NBAS: variants seen among roughly 807,000 people sequenced by gnomAD.
NBAS encodes NAG/BC035112 fusion.
A neutral mutation model predicts 302.5 loss-of-function variants in NBAS; 219 were observed. The observed-to-expected ratio is 0.72, with a 90% CI of 0.65 to 0.81. NBAS has a LOEUF of 0.81. Ranked by LOEUF, NBAS falls within the 30% of genes least tolerant of loss-of-function variation. NBAS has a pLI of 0.00. For missense variants in NBAS, 2,932 were observed against 2,841.6 expected (o/e 1.03, Z -0.72); for synonymous variants, 1,118 against 1,021.6 (o/e 1.09, Z -1.80).
chr2:15,245,765 CTTTAG>C (rs1010657892), intron 44 of NBAS, among the ~76,000 whole-genome samples: 9 of 152,150 alleles, frequency 5.9e-5, no homozygotes, highest in African/African-American at 2.2e-4. Flanking sequence ...TACTAGAGCA[CTTTAG>C]TTTAGACATG....
At chr2:15,292,465 T>G in intron 41 of NBAS, 72 bp downstream of exon 41, 1 of 1,466,716 alleles carries the variant, frequency 6.8e-7, no homozygotes, top group South Asian at 1.2e-5. Context: ...CTGAAATTAA[T>G]AGTCCTGGTA....
At chr2:15,383,384 G>T in intron 28 of NBAS, 67 bp from the exon 29 acceptor site, 1 of 1,498,208 alleles carries the variant, frequency 6.7e-7, no homozygotes, top group South Asian at 1.1e-5. Context: ...TTCTTCAAAT[G>T]ATCTAAAGTT....
chr2:15,372,261 T>A (rs1202578618), intron 31 of NBAS, among the ~76,000 whole-genome samples: 2 of 152,112 alleles, frequency 1.3e-5, no homozygotes, highest in Non-Finnish European at 1.5e-5. Flanking sequence ...GAAAAGCATA[T>A]ACATATACAC....
the NBAS span, among the ~76,000 whole-genome samples, chr2:14,872,114 T>A: frequency 3.9e-5 from 6 of 152,178 alleles, no homozygotes; most frequent in Non-Finnish European, 8.8e-5. Context: ...AGTGACTATA[T>A]TAACATCAGA....
the NBAS span, among the ~76,000 whole-genome samples, chr2:15,086,967 A>G: frequency 6.6e-6 from 1 of 152,096 alleles, no homozygotes; most frequent in East Asian, 1.9e-4. Flanking sequence ...CAAAAGGCTG[A>G]TACTCCCCAA....
chr2:14,787,514 C>G, the NBAS span, among the ~76,000 whole-genome samples: 4 of 152,246 alleles, frequency 2.6e-5, no homozygotes, highest in East Asian at 7.7e-4. Flanking sequence ...TAGGGCAGGC[C>G]TGATGGTGAC....
intron 35 of NBAS, among the ~76,000 whole-genome samples, chr2:15,347,961 G>A (rs1451011144): frequency 1.3e-5 from 2 of 152,062 alleles, no homozygotes; most frequent in African/African-American, 4.8e-5. Context: ...ATTTTGCTTG[G>A]ATATATAAAT....
chr2:14,942,749 TAC>T, the NBAS span, among the ~76,000 whole-genome samples: 1 of 152,324 alleles, frequency 6.6e-6, no homozygotes, highest in South Asian at 2.1e-4. Context: ...AGGAAGATAT[TAC>T]ACAGTCTAGT....
At chr2:15,389,275 T>C (rs1400098695) in intron 28 of NBAS, among the ~76,000 whole-genome samples, 1 of 152,230 alleles carries the variant, frequency 6.6e-6, no homozygotes, top group Non-Finnish European at 1.5e-5. Context: ...ATTGGCTCCC[T>C]TTTCTTTCCT....
chr2:15,455,188 C>G (rs1475461016), intron 21 of NBAS, among the ~76,000 whole-genome samples: 1 of 152,166 alleles, frequency 6.6e-6, no homozygotes, highest in Non-Finnish European at 1.5e-5. Context: ...CAGGCGTGAG[C>G]CACCGCACCC....
chr2:14,810,856 T>C, the NBAS span, among the ~76,000 whole-genome samples: 1 of 152,136 alleles, frequency 6.6e-6, no homozygotes, highest in Non-Finnish European at 1.5e-5. Context: ...TTAGAGTAAA[T>C]GTGATTCTGA....
chr2:15,302,806 C>T (rs1047594258), intron 40 of NBAS, among the ~76,000 whole-genome samples: 6 of 152,144 alleles, frequency 3.9e-5, no homozygotes, highest in African/African-American at 7.2e-5. Context: ...TGGGTGAGCA[C>T]TGTCTAATCA....
chr2:15,028,583 GC>G, the NBAS span, among the ~76,000 whole-genome samples: 1 of 152,112 alleles, frequency 6.6e-6, no homozygotes. Context: ...GACCTATGAG[GC>G]CCTGCATAAT....
chr2:15,013,948 G>A, the NBAS span, among the ~76,000 whole-genome samples: 7 of 151,608 alleles, frequency 4.6e-5, no homozygotes, highest in East Asian at 1.9e-4. Context: ...GAAAATGAAG[G>A]GATATAAAAA....
intron 47 of NBAS, 75 bp from the exon 48 acceptor site, chr2:15,219,043 T>C: frequency 6.5e-7 from 1 of 1,545,110 alleles, no homozygotes; most frequent in South Asian, 1.2e-5. Context: ...TCAAATGTGG[T>C]CACTGACCTA....
the NBAS span, among the ~76,000 whole-genome samples, chr2:15,129,727 A>T: frequency 2.0e-4 from 30 of 152,198 alleles, no homozygotes; most frequent in Non-Finnish European, 3.4e-4. Context: ...GGCTGGGTAC[A>T]TTTCACCAGC....
chr2:15,439,876 T>G (rs1378981155), intron 21 of NBAS, among the ~76,000 whole-genome samples: 3 of 152,070 alleles, frequency 2.0e-5, no homozygotes, highest in Non-Finnish European at 2.9e-5. Flanking sequence ...GCTCGGAGGG[T>G]CCTACGTCCA....
At chr2:15,266,111 C>T (rs10803671) in intron 44 of NBAS, among the ~76,000 whole-genome samples, 30,651 of 152,066 alleles carry the variant, frequency 0.2, 3,298 homozygotes, top group Middle Eastern at 0.36. Context: ...TTAGAAGGGG[C>T]TTCCCCCTTG....
At chr2:15,398,285 A>G (rs1457813342) in intron 26 of NBAS, among the ~76,000 whole-genome samples, 1 of 152,088 alleles carries the variant, frequency 6.6e-6, no homozygotes, top group Non-Finnish European at 1.5e-5. Flanking sequence ...CTAGAACTAA[A>G]GCTGTACGCT....
Sources: gnomAD v4.1 joint callset for allele counts (sites outside exome capture counted in the v4.1 genomes callset) on GRCh38, gnomAD v4.1.1 for gene constraint, MANE v1.5 for transcripts, NCBI Gene and HGNC (gene_info 2026-07-23, HGNC 2026-07-21) for gene names.